The following RBFOX1 variants were observed in gnomAD, a reference collection of about 807,000 sequenced individuals.
RBFOX1 encodes the protein RNA binding protein fox-1 homolog 1.
In RBFOX1, 8 loss-of-function variants were observed where a neutral mutation model predicts 57.7. The ratio of observed to expected loss-of-function variants is 0.14; its 90% confidence interval spans 0.08 to 0.25. RBFOX1 has a LOEUF of 0.25. Ranked by LOEUF, RBFOX1 falls within the 10% of genes least tolerant of loss-of-function variation. RBFOX1 has a pLI of 1.00. For missense variants in RBFOX1, 611 were observed against 548.5 expected (o/e 1.11, Z -1.14); for synonymous variants, 326 against 222.4 (o/e 1.47, Z -4.15).
At chr16:6,882,031 C>A (rs1274368822) in intron 3 of RBFOX1, among the ~76,000 whole-genome samples, 2 of 152,144 alleles carry the variant, frequency 1.3e-5, no homozygotes, top group Non-Finnish European at 2.9e-5. Context: ...CTCTAGACTT[C>A]ATTTCTGGAA....
At position 5,657,698 on chromosome 16, in the gene RBFOX1, C is replaced by CT. The variant is rs1491582203; in HGVS notation, c.318+58737_318+58738insT. ...TTCTTTTCTTTCTTTCTTTCTTTCT[C>CT]CTTCTGTCTTTCTCTCTTTCTTTTG... On this transcript the variant is annotated intron_variant, in intron 3 of 19. Transcript: ENST00000641259. Among the ~76,000 whole-genome samples, 216 of 110,390 alleles carry CT rather than the reference C, an allele frequency of 2.0e-3. 2 individuals carry two copies. The highest frequency in any genetic ancestry group is 6.6e-3 in the African/African-American group (210 of 31,912). The allele number at this position is 110,390 out of a possible 152,430, so 72.4% of individuals were successfully genotyped here.
chr16:6,938,600 G>A (rs1460479022), intron 3 of RBFOX1, among the ~76,000 whole-genome samples: 1 of 151,932 alleles, frequency 6.6e-6, no homozygotes, highest in Admixed American at 6.6e-5. Flanking sequence ...CTGGCTATGT[G>A]TGGTGGATTT....
rs2084601168 is a variant in RBFOX1 at position 7,188,875 on chromosome 16, G to A, written c.27+136777G>A. Among the ~76,000 whole-genome samples, 3 of 152,164 alleles carry A rather than the reference G, an allele frequency of 2.0e-5. No homozygotes were observed. In the South Asian group the frequency reaches 6.2e-4, roughly 32 times the overall value. On this transcript the variant is annotated intron_variant, in intron 4 of 15. Transcript: ENST00000550418. ...AGTTGGAAAGGACATCAAGAAAAAG[G>A]TTTAAGGAACAGAGGATACAGACAG...
chr16:5,634,290 T>G (rs2048613706), intron 3 of RBFOX1, among the ~76,000 whole-genome samples: 2 of 152,224 alleles, frequency 1.3e-5, no homozygotes, highest in Non-Finnish European at 2.9e-5. Context: ...ATTTGACTAT[T>G]TATTTTCACT....
intron 4 of RBFOX1, among the ~76,000 whole-genome samples, chr16:7,474,486 A>G (rs1416527887): frequency 6.6e-6 from 1 of 152,236 alleles, no homozygotes; most frequent in Non-Finnish European, 1.5e-5. Context: ...GAGACTTGGC[A>G]GTGACCCCAG....
chr16:6,573,187 G>A (rs950644315), intron 2 of RBFOX1, among the ~76,000 whole-genome samples: 15 of 152,160 alleles, frequency 9.9e-5, no homozygotes, highest in African/African-American at 3.6e-4. Context: ...TCTATGTGAA[G>A]GGAAACAGTG....
chr16:7,356,938 T>A (rs2097225019), intron 4 of RBFOX1, among the ~76,000 whole-genome samples: 1 of 152,172 alleles, frequency 6.6e-6, no homozygotes, highest in African/African-American at 2.4e-5. Context: ...AAGATTGAGA[T>A]CAAGTCTTGT....
At chr16:6,627,973 C>T (rs2098332463) in intron 2 of RBFOX1, among the ~76,000 whole-genome samples, 1 of 152,194 alleles carries the variant, frequency 6.6e-6, no homozygotes, top group African/African-American at 2.4e-5. Flanking sequence ...CGCTGGATGT[C>T]AACAGCCATA....
intron 4 of RBFOX1, among the ~76,000 whole-genome samples, chr16:7,444,265 A>G (rs1448599255): frequency 6.6e-6 from 1 of 152,214 alleles, no homozygotes; most frequent in Non-Finnish European, 1.5e-5. Flanking sequence ...CTAATGGGTC[A>G]TCCAGAAAAC....
Position 6,121,764 on chromosome 16 carries a change from A to T in RBFOX1, c.-127+101772A>T, listed in dbSNP as rs187478088. On this transcript the variant is annotated intron_variant, in intron 1 of 15. Coordinates refer to ENST00000550418, the MANE Select transcript of RBFOX1 (RefSeq NM_018723.4). ...TGGGTGAAGGTGAACAAGTTCATTG[A>T]TCTCTCTCAGACTGTTTCCTCCTCT... is the stretch of plus-strand genomic sequence containing the variant. Among the ~76,000 whole-genome samples the T allele has an allele frequency of 2.6e-4, 40 of 152,264 alleles. No individual in the cohort carries two copies. The East Asian group carries it at 7.5e-3, about 29-fold the overall frequency.
chr16:6,085,998 A>C (rs968037326), intron 1 of RBFOX1, among the ~76,000 whole-genome samples: 3 of 151,352 alleles, frequency 2.0e-5, no homozygotes, highest in African/African-American at 4.9e-5. Context: ...TACAGACCCC[A>C]CTGTGTGATG....
At chr16:5,578,289 C>T (rs1197722019) in intron 2 of RBFOX1, among the ~76,000 whole-genome samples, 1 of 152,124 alleles carries the variant, frequency 6.6e-6, no homozygotes, top group Non-Finnish European at 1.5e-5. Flanking sequence ...CTCACCTAGC[C>T]TCATTCATCA....
At chr16:6,924,214 C>T (rs1482091235) in intron 3 of RBFOX1, among the ~76,000 whole-genome samples, 1 of 151,084 alleles carries the variant, frequency 6.6e-6, no homozygotes, top group African/African-American at 2.5e-5. Context: ...CCACCTGAAA[C>T]TGGGTAATTT....
chr16:7,114,477 T>A (rs556189737), intron 4 of RBFOX1, among the ~76,000 whole-genome samples: 63 of 152,280 alleles, frequency 4.1e-4, no homozygotes, highest in African/African-American at 1.3e-3. Context: ...GTGCTATTCA[T>A]TTTAAGAAGC....
At chr16:7,195,881 G>C (rs550935032) in intron 4 of RBFOX1, among the ~76,000 whole-genome samples, 1 of 152,108 alleles carries the variant, frequency 6.6e-6, no homozygotes, top group South Asian at 2.1e-4. Flanking sequence ...AAAGGTGCCT[G>C]GTTTATATTT....
upstream of RBFOX1, among the ~76,000 whole-genome samples, chr16:6,018,190 A>C (rs7197994): frequency 1.5e-5 from 1 of 64,546 alleles, no homozygotes; most frequent in East Asian, 6.6e-4. Flanking sequence ...GGAAAGGAGG[A>C]AGGAAGAAAG....
chr16:5,249,142 C>G (rs748942042), intron 1 of RBFOX1, among the ~76,000 whole-genome samples: 36 of 152,144 alleles, frequency 2.4e-4, no homozygotes, highest in Non-Finnish European at 3.8e-4. Context: ...TTTATTTAAC[C>G]TGCTCCAGGT....
chr16:6,337,835 A>T (rs1347274074), intron 2 of RBFOX1, among the ~76,000 whole-genome samples: 1 of 152,194 alleles, frequency 6.6e-6, no homozygotes, highest in South Asian at 2.1e-4. Context: ...GAATCCCTCC[A>T]AAGATATCCT....
At chr16:6,831,142 G>T (rs1023772108) in intron 3 of RBFOX1, among the ~76,000 whole-genome samples, 1 of 152,086 alleles carries the variant, frequency 6.6e-6, no homozygotes, top group Non-Finnish European at 1.5e-5. Flanking sequence ...ATTTGCAAGC[G>T]GTTTTGCTCA....
Sources: allele counts gnomAD v4.1 joint callset (sites outside exome capture counted in the v4.1 genomes callset), GRCh38; gene constraint gnomAD v4.1.1; transcripts MANE v1.5; gene names NCBI Gene and HGNC (gene_info 2026-07-23, HGNC 2026-07-21).